Variants in CNTN3 observed in about 807,000 individuals in gnomAD.
The protein encoded by CNTN3 is contactin-3.
Under a neutral mutation model 119.1 loss-of-function variants are expected in CNTN3, and 60 were observed. The ratio of observed to expected loss-of-function variants is 0.50; its 90% confidence interval spans 0.41 to 0.62. The LOEUF is 0.62. Among genes scored for constraint, CNTN3 ranks in the 20% least tolerant of loss-of-function variants. The pLI, the probability that CNTN3 is intolerant of heterozygous loss-of-function variation, is 0.00. For synonymous variants in CNTN3, 450 were observed against 438.7 expected (o/e 1.03, Z -0.32); for missense variants, 1,101 against 1,242.4 (o/e 0.89, Z 1.71).
intron 2 of CNTN3, among the ~76,000 whole-genome samples, chr3:74,503,988 T>C (rs567655662): frequency 5.3e-5 from 8 of 152,194 alleles, no homozygotes; most frequent in South Asian, 2.1e-4. Flanking sequence ...GGTAATGTCA[T>C]GTAAAAGATC....
intron 1 of CNTN3, among the ~76,000 whole-genome samples, chr3:74,566,956 G>A (rs868230882): frequency 6.6e-6 from 1 of 152,006 alleles, no homozygotes; most frequent in South Asian, 2.1e-4. Context: ...CTTTCCACTG[G>A]CTGAATCCAA....
intron 1 of CNTN3, among the ~76,000 whole-genome samples, chr3:74,543,705 T>A (rs1703873382): frequency 6.6e-6 from 1 of 152,142 alleles, no homozygotes; most frequent in African/African-American, 2.4e-5. Flanking sequence ...GTCACAGTCA[T>A]CAAGGCAGCC....
intron 1 of CNTN3, among the ~76,000 whole-genome samples, chr3:74,525,901 G>A (rs1254381940): frequency 6.6e-6 from 1 of 151,882 alleles, no homozygotes; most frequent in African/African-American, 2.4e-5. Context: ...TAAGACTGCA[G>A]ATATCATGAA....
At chr3:74,446,951 T>G (rs1419350977) in intron 4 of CNTN3, among the ~76,000 whole-genome samples, 2 of 152,196 alleles carry the variant, frequency 1.3e-5, no homozygotes, top group South Asian at 2.1e-4. Flanking sequence ...TTATTATATA[T>G]GGATGTAATA....
intron 1 of CNTN3, among the ~76,000 whole-genome samples, chr3:74,550,123 T>C (rs1703968877): frequency 6.6e-6 from 1 of 152,158 alleles, no homozygotes; most frequent in South Asian, 2.1e-4. Flanking sequence ...ATGAGCTGGG[T>C]CAGACCATCT....
At chr3:74,398,843 T>C (rs914102684) in intron 5 of CNTN3, among the ~76,000 whole-genome samples, 1 of 152,206 alleles carries the variant, frequency 6.6e-6, no homozygotes, top group Non-Finnish European at 1.5e-5. Context: ...TAAGCTTTGA[T>C]TGATCACTTA....
At chr3:74,499,461 T>C (rs1703124600) in intron 3 of CNTN3, among the ~76,000 whole-genome samples, 198 bp downstream of exon 3, 1 of 151,988 alleles carries the variant, frequency 6.6e-6, no homozygotes, top group African/African-American at 2.4e-5. Context: ...TCTGCCATGA[T>C]CAATAATTAA....
chr3:74,416,898 G>T (rs151007655), intron 5 of CNTN3, among the ~76,000 whole-genome samples: 39 of 152,022 alleles, frequency 2.6e-4, no homozygotes, highest in Middle Eastern at 3.4e-3. Context: ...TGAGGCATGA[G>T]AATTGCTTGA....
chr3:74,605,245 T>A, intron 1 of CNTN3, among the ~76,000 whole-genome samples: 1 of 152,114 alleles, frequency 6.6e-6, no homozygotes, highest in East Asian at 1.9e-4. Context: ...CTATAATTAA[T>A]AATGCATTGT....
At chr3:74,412,202 T>C (rs1423219517) in intron 5 of CNTN3, among the ~76,000 whole-genome samples, 1 of 152,156 alleles carries the variant, frequency 6.6e-6, no homozygotes, top group African/African-American at 2.4e-5. Context: ...ATTACAGAGT[T>C]TGTATTTATG....
chr3:74,488,583 T>C (rs1202782504), intron 3 of CNTN3, among the ~76,000 whole-genome samples: 1 of 152,240 alleles, frequency 6.6e-6, no homozygotes, highest in Non-Finnish European at 1.5e-5. Flanking sequence ...AATGAAGTTT[T>C]AATGACTGAG....
At chr3:74,503,675 C>T (rs1334548852) in intron 2 of CNTN3, among the ~76,000 whole-genome samples, 2 of 152,134 alleles carry the variant, frequency 1.3e-5, no homozygotes, top group African/African-American at 2.4e-5. Flanking sequence ...CTATTCATAA[C>T]CAGTAAAAAG....
chr3:74,371,077 T>G lies in CNTN3; in HGVS notation c.658+119A>C, dbSNP rs139864432. 4.9e-4 allele frequency: 339 copies of G among 698,426 alleles called. 2 individuals carry two copies. In the East Asian group the frequency reaches 8.4e-3, roughly 17 times the overall value. The allele number at this position is 698,426 out of a possible 1,614,324, so 43.3% of individuals were successfully genotyped here. A position where few individuals can be genotyped will look rare whatever the true frequency, so the allele number is the denominator to read the frequency against. On this transcript the variant is annotated intron_variant, in intron 6 of 22. Coordinates refer to ENST00000263665, the MANE Select transcript of CNTN3 (RefSeq NM_020872.3). ...GTCATTGTACTCATAAAATAGTCTG[T>G]GCCAAAAAACATGAAGTGACAATTC... is the stretch of plus-strand genomic sequence containing the variant.
At chr3:74,366,780 G>GTGTATGTA (rs1447686332) in intron 8 of CNTN3, among the ~76,000 whole-genome samples, 1 of 63,704 alleles carries the variant, frequency 1.6e-5, no homozygotes, top group East Asian at 5.5e-4. Flanking sequence ...GTGTGTGTGT[G>GTGTATGTA]TATATATATA....
At chr3:74,431,928 G>A (rs1466599560) in intron 4 of CNTN3, among the ~76,000 whole-genome samples, 1 of 152,162 alleles carries the variant, frequency 6.6e-6, no homozygotes, top group African/African-American at 2.4e-5. Flanking sequence ...ATAACACAAT[G>A]CTATTTGATG....
intron 5 of CNTN3, among the ~76,000 whole-genome samples, chr3:74,411,568 T>C (rs376269145): frequency 1.3e-5 from 2 of 152,208 alleles, no homozygotes; most frequent in African/African-American, 4.8e-5. Context: ...TGAAAAAGTT[T>C]TCTTTTTTAA....
chr3:74,468,377 T>TA (rs1180684041), intron 4 of CNTN3, among the ~76,000 whole-genome samples: 1 of 151,814 alleles, frequency 6.6e-6, no homozygotes, highest in African/African-American at 2.4e-5. Context: ...AGATTTTTTT[T>TA]AAATGAAATA....
chr3:74,581,854 A>G (rs534793265), intron 1 of CNTN3, among the ~76,000 whole-genome samples: 2 of 152,316 alleles, frequency 1.3e-5, no homozygotes, highest in East Asian at 1.9e-4. Context: ...TGCACGGGGG[A>G]AGTCTTGTTA....
intron 20 of CNTN3, among the ~76,000 whole-genome samples, chr3:74,270,014 G>A (rs116233556): frequency 0.01 from 1,594 of 152,204 alleles, 18 homozygotes; most frequent in Non-Finnish European, 0.017. Flanking sequence ...TATGTTATGT[G>A]TACTTTACTA....
Sources: allele counts gnomAD v4.1 joint callset (sites outside exome capture counted in the v4.1 genomes callset), GRCh38; gene constraint gnomAD v4.1.1; transcripts MANE v1.5; gene names NCBI Gene and HGNC (gene_info 2026-07-23, HGNC 2026-07-21).